OSBPL9: variants seen among roughly 807,000 people sequenced by gnomAD.
OSBPL9 encodes oxysterol binding protein like 9, also known as oxysterol-binding protein-related protein 9.
OSBPL9 carries 40 observed loss-of-function variants against 106.6 expected under a neutral mutation model. That is an observed-to-expected ratio of 0.38 (90% CI 0.29 to 0.49). The LOEUF (loss-of-function observed/expected upper bound fraction) is 0.49, where lower values mean the gene tolerates loss of function less well. Ranked by LOEUF, OSBPL9 falls within the 20% of genes least tolerant of loss-of-function variation. OSBPL9 has a pLI of 0.97. For missense variants in OSBPL9, 609 were observed against 887.2 expected (o/e 0.69, Z 3.98); for synonymous variants, 269 against 295.4 (o/e 0.91, Z 0.92).
In OSBPL9 at chr1:51,729,955, G is replaced by A. The variant is rs1663973184; in HGVS notation, c.319-15581G>A. ...CCCGGCTACCTCCCCTGGAGGCACA[G>A]AGGGCGGGGGCCTTGGCGAATGGCT... On this transcript the variant is annotated intron_variant, in intron 4 of 23. Coordinates refer to ENST00000428468, the MANE Select transcript of OSBPL9 (RefSeq NM_024586.6). This position sits in a 1 kb window ranked among gnomAD's most constrained non-coding sequence, Gnocchi z 5.1. 2 of 1,315,038 alleles carry A rather than the reference G, an allele frequency of 1.5e-6. No homozygotes were observed. The highest frequency in any genetic ancestry group is 3.0e-5 in the African/African-American group (2 of 66,430). 81.5% of individuals were successfully genotyped at this position (1,315,038 alleles called of 1,614,324 possible).
the OSBPL9 span, chr1:51,561,988 C>G: frequency 6.6e-6 from 1 of 152,160 alleles, no homozygotes; most frequent in Non-Finnish European, 1.5e-5. Flanking sequence ...TGAATCTACT[C>G]CCCCTGGTAA....
chr1:51,589,182 G>A (rs568505577), intron 1 of OSBPL9, among the ~76,000 whole-genome samples: 4 of 151,858 alleles, frequency 2.6e-5, no homozygotes, highest in African/African-American at 4.8e-5. Context: ...TTGAACTCCC[G>A]GGCTCAAGTG....
chr1:51,610,053 A>G (rs949549835), intron 2 of OSBPL9, among the ~76,000 whole-genome samples: 14 of 152,116 alleles, frequency 9.2e-5, no homozygotes, highest in African/African-American at 3.4e-4. Context: ...GGCCCCACAC[A>G]TATATCTTAC....
intron 15 of OSBPL9, among the ~76,000 whole-genome samples, chr1:51,780,221 ATGT>A (rs1676048593): frequency 6.6e-6 from 1 of 151,852 alleles, no homozygotes; most frequent in East Asian, 1.9e-4. Context: ...AAAAAAATAG[ATGT>A]TGATGTGGAT....
At chr1:51,582,468 C>T (rs146758682) in intron 1 of OSBPL9, among the ~76,000 whole-genome samples, 29 of 152,294 alleles carry the variant, frequency 1.9e-4, no homozygotes, top group Admixed American at 1.9e-3. Flanking sequence ...GCTGGGATTA[C>T]AGGCACGCAC....
chr1:51,519,157 G>A, the OSBPL9 span: 7 of 1,387,720 alleles, frequency 5.0e-6, no homozygotes, highest in Non-Finnish European at 6.7e-6. Context: ...GGGGGAGGGG[G>A]CACCGGCCGG....
the OSBPL9 span, among the ~76,000 whole-genome samples, chr1:51,520,462 A>T: frequency 5.9e-5 from 9 of 152,212 alleles, no homozygotes; most frequent in Non-Finnish European, 1.3e-4. Context: ...TGTAAGCGTT[A>T]GTTGAGGGTT....
chr1:51,680,291 G>A (rs1011237024), intron 3 of OSBPL9, among the ~76,000 whole-genome samples: 1 of 151,890 alleles, frequency 6.6e-6, no homozygotes, highest in Non-Finnish European at 1.5e-5. Flanking sequence ...GTATAAATAG[G>A]TTATCCAGAT....
At chr1:51,663,989 G>T (rs1647781655) in intron 2 of OSBPL9, among the ~76,000 whole-genome samples, 1 of 152,196 alleles carries the variant, frequency 6.6e-6, no homozygotes, top group Non-Finnish European at 1.5e-5. Flanking sequence ...TGTTAGTGAA[G>T]TTATTGGAAC....
chr1:51,680,459 A>C (rs1198542281), intron 3 of OSBPL9, among the ~76,000 whole-genome samples: 2 of 152,038 alleles, frequency 1.3e-5, no homozygotes, highest in African/African-American at 4.8e-5. Context: ...GTTTGAGACC[A>C]GCCTAGCCAA....
intron 4 of OSBPL9, among the ~76,000 whole-genome samples, chr1:51,739,989 CT>C (rs780867712): frequency 0.02 from 2,879 of 146,750 alleles, 47 homozygotes; most frequent in African/African-American, 0.046. Context: ...TTGGCATAAT[CT>C]TTTTTTTTTT....
intron 4 of OSBPL9, among the ~76,000 whole-genome samples, chr1:51,723,084 GC>G (rs1303752524): frequency 6.6e-6 from 1 of 152,176 alleles, no homozygotes; most frequent in African/African-American, 2.4e-5. Flanking sequence ...CGCATGTGCG[GC>G]CTCCCCTACT....
intron 3 of OSBPL9, among the ~76,000 whole-genome samples, chr1:51,671,671 C>T (rs1452830258): frequency 6.6e-6 from 1 of 151,746 alleles, no homozygotes; most frequent in South Asian, 2.1e-4. Context: ...GTGATAAGTC[C>T]TGGGGAGAAA....
At chr1:51,718,234 G>C (rs1661432620) in intron 4 of OSBPL9, among the ~76,000 whole-genome samples, 1 of 152,152 alleles carries the variant, frequency 6.6e-6, no homozygotes, top group South Asian at 2.1e-4. Context: ...AAGTGTAGGG[G>C]GAGTGGGGAT....
At position 51,782,596 on chromosome 1, in the gene OSBPL9, A is replaced by C; in HGVS notation, c.1466A>C (p.Lys489Thr). 6.2e-7 allele frequency: 1 copy of C among 1,614,102 alleles called. No homozygotes were observed. Among genetic ancestry groups the C allele is most frequent in the Non-Finnish European group, 8.5e-7 (1 of 1,179,958 alleles). ...VSEGPVPWVSKNSVTFVAEQV... is the reference protein window; with the variant it reads ...VSEGPVPWVSTNSVTFVAEQV... Reference sequence around the variant, plus strand: ...GAAGGACCAGTTCCCTGGGTTTCCAAAAACAGTGTAACATTTGTGGCTGAG... The same window carrying C: ...GAAGGACCAGTTCCCTGGGTTTCCACAAACAGTGTAACATTTGTGGCTGAG... The change falls in exon 17 of 24, where the codon AAA becomes ACA. Residue 489 changes from lysine (K) to threonine (T), a missense_variant. Physicochemically the swap from Lys to Thr is moderately conservative, Grantham distance 78 (BLOSUM62 -1). This residue lies in a region of OSBPL9 where 356 missense variants were observed against 505.8 expected (regional missense o/e 0.70). Transcript: ENST00000428468.
chr1:51,785,641 C>T, intron 20 of OSBPL9, 167 bp from the exon 21 acceptor site: 4 of 588,564 alleles, frequency 6.8e-6, no homozygotes, highest in Non-Finnish European at 9.0e-6. Flanking sequence ...GTTGAAGGCC[C>T]TCATTCTTAT....
chr1:51,626,373 C>G (rs768073615), intron 1 of OSBPL9, among the ~76,000 whole-genome samples: 1 of 151,906 alleles, frequency 6.6e-6, no homozygotes, highest in Non-Finnish European at 1.5e-5. Flanking sequence ...CCTCTATCTG[C>G]TTTCTCTCCT....
At chr1:51,577,434 C>T (rs890413421) in intron 1 of OSBPL9, among the ~76,000 whole-genome samples, 1 of 151,610 alleles carries the variant, frequency 6.6e-6, no homozygotes, top group African/African-American at 2.4e-5. Context: ...CCACCACGCC[C>T]GGCTAATTCT....
intron 3 of OSBPL9, among the ~76,000 whole-genome samples, chr1:51,673,964 G>A (rs1052907995): frequency 2.0e-5 from 3 of 151,658 alleles, no homozygotes; most frequent in Non-Finnish European, 2.9e-5. Flanking sequence ...GGTACTAAGG[G>A]TGATGCTCTT....
Sources: allele counts gnomAD v4.1 joint callset (sites outside exome capture counted in the v4.1 genomes callset), GRCh38; gene constraint gnomAD v4.1.1; regional missense constraint gnomAD v4.1.1; non-coding constraint Gnocchi (gnomAD v3.1); transcripts MANE v1.5; gene names NCBI Gene and HGNC (gene_info 2026-07-23, HGNC 2026-07-21).